ESRRG: variants seen among roughly 807,000 people sequenced by gnomAD.
The protein encoded by ESRRG is estrogen related receptor gamma.
Under a neutral mutation model 44.0 loss-of-function variants are expected in ESRRG, and 13 were observed. That is an observed-to-expected ratio of 0.30 (90% confidence interval 0.19 to 0.47). The LOEUF is 0.47. Among genes scored for constraint, ESRRG ranks in the 20% least tolerant of loss-of-function variants. The pLI, the probability that ESRRG is intolerant of heterozygous loss-of-function variation, is 1.00. For missense variants in ESRRG, 395 were observed against 580.6 expected (o/e 0.68, Z 3.29); for synonymous variants, 215 against 214.6 (o/e 1.00, Z -0.02).
chr1:216,794,842 C>T (rs570021802), intron 2 of ESRRG, among the ~76,000 whole-genome samples: 2 of 152,268 alleles, frequency 1.3e-5, no homozygotes, highest in Admixed American at 6.5e-5. Context: ...ATTGCACAAG[C>T]TATACCTTCA....
intron 1 of ESRRG, among the ~76,000 whole-genome samples, chr1:216,696,775 A>T (rs2080241824): frequency 6.6e-6 from 1 of 152,108 alleles, no homozygotes; most frequent in South Asian, 2.1e-4. Flanking sequence ...ACTGTATTAA[A>T]ATGTATAATT....
chr1:216,668,765 C>A (rs2074522900), intron 2 of ESRRG, among the ~76,000 whole-genome samples: 1 of 151,980 alleles, frequency 6.6e-6, no homozygotes, highest in Admixed American at 6.6e-5. Flanking sequence ...ATAGTGCTCA[C>A]AGATGTGTAG....
At chr1:216,759,440 A>G (rs2092649044) in intron 2 of ESRRG, among the ~76,000 whole-genome samples, 1 of 152,014 alleles carries the variant, frequency 6.6e-6, no homozygotes, top group South Asian at 2.1e-4. Context: ...TCCACCCACC[A>G]CATGGTTTTC....
At chr1:216,709,732 T>C (rs1469559977) in intron 1 of ESRRG, among the ~76,000 whole-genome samples, 1 of 152,014 alleles carries the variant, frequency 6.6e-6, no homozygotes, top group East Asian at 1.9e-4. Context: ...TACTCTCTAA[T>C]GAAATTACTG....
chr1:217,072,108 T>C (rs770958609), intron 1 of ESRRG, among the ~76,000 whole-genome samples: 5 of 152,234 alleles, frequency 3.3e-5, no homozygotes, highest in Non-Finnish European at 5.9e-5. Flanking sequence ...ATTTCCTCTC[T>C]AGTGTAGAAA....
intron 5 of ESRRG, among the ~76,000 whole-genome samples, chr1:216,548,123 A>T (rs1216540430): frequency 1.3e-5 from 2 of 152,204 alleles, no homozygotes; most frequent in African/African-American, 4.8e-5. Context: ...TCAAACTTTG[A>T]GTGGATATGG....
At position 216,506,872 on chromosome 1, in the gene ESRRG, G is replaced by T. The variant is rs773344558; in HGVS notation, c.*67C>A. The T allele has an allele frequency of 4.0e-5, 61 of 1,534,462 alleles. No homozygotes were observed. Among genetic ancestry groups the T allele is most frequent in the Admixed American group, 1.4e-4 (7 of 48,846 alleles). On this transcript the variant is annotated 3_prime_UTR_variant, in exon 7 of 7. Coordinates refer to ENST00000408911, the MANE Select transcript of ESRRG (RefSeq NM_001438.4). ...TGTTAACTAAACTCTAAGTTTCTTC[G>T]ACATCACTCTTGGGTTTATTTTCCC...
At chr1:216,653,662 C>A (rs543544997) in intron 2 of ESRRG, among the ~76,000 whole-genome samples, 1 of 152,164 alleles carries the variant, frequency 6.6e-6, no homozygotes, top group African/African-American at 2.4e-5. Context: ...ATGAAAACTT[C>A]TCTGACTATC....
At chr1:216,533,284 G>A (rs528118222) in intron 5 of ESRRG, among the ~76,000 whole-genome samples, 2 of 150,834 alleles carry the variant, frequency 1.3e-5, no homozygotes, top group African/African-American at 5.0e-5. Flanking sequence ...AAAATAAAAG[G>A]TATATATTAG....
intron 2 of ESRRG, among the ~76,000 whole-genome samples, chr1:216,923,871 C>T (rs753986424): frequency 6.6e-6 from 1 of 152,146 alleles, no homozygotes; most frequent in African/African-American, 2.4e-5. Flanking sequence ...AAGATGCTCA[C>T]GGCAGTGACT....
intron 2 of ESRRG, among the ~76,000 whole-genome samples, chr1:216,788,571 T>C (rs891801703): frequency 1.2e-4 from 19 of 152,138 alleles, no homozygotes; most frequent in African/African-American, 4.6e-4. Flanking sequence ...GACAAGGAGA[T>C]GAGTGTTGTC....
At position 216,636,267 on chromosome 1, in the gene ESRRG, G is replaced by T. The variant is rs555348102; in HGVS notation, c.589+14706C>A. ...TCAACTGTATTTAACCTGTAACTTT[G>T]TAAGATATTATACTACTTACTGAAA... On this transcript the variant is annotated intron_variant, in intron 3 of 6. Coordinates refer to ENST00000408911, the MANE Select transcript of ESRRG (RefSeq NM_001438.4). Among the ~76,000 whole-genome samples the T allele has an allele frequency of 6.6e-5, 10 of 152,228 alleles. No individual in the cohort carries two copies. In the South Asian group the frequency reaches 2.1e-3, roughly 32 times the overall value.
At chr1:216,981,804 GA>G (rs1398144887) in intron 1 of ESRRG, among the ~76,000 whole-genome samples, 1 of 152,050 alleles carries the variant, frequency 6.6e-6, no homozygotes, top group Non-Finnish European at 1.5e-5. Context: ...GAGGGTCAGA[GA>G]AAGGAGTGCT....
At chr1:216,943,949 C>T (rs751642614) in intron 1 of ESRRG, among the ~76,000 whole-genome samples, 3 of 152,078 alleles carry the variant, frequency 2.0e-5, no homozygotes, top group African/African-American at 2.4e-5. Flanking sequence ...ACTTCAGCTC[C>T]CCCCTGCCAG....
chr1:216,667,004 C>A (rs144834589), intron 2 of ESRRG, among the ~76,000 whole-genome samples: 4 of 152,112 alleles, frequency 2.6e-5, no homozygotes, highest in Admixed American at 2.6e-4. Flanking sequence ...ATGATTGAAT[C>A]GGGAACAGGT....
At chr1:217,055,505 T>C in intron 1 of ESRRG, among the ~76,000 whole-genome samples, 1 of 152,082 alleles carries the variant, frequency 6.6e-6, no homozygotes, top group East Asian at 1.9e-4. Context: ...TTATATAACA[T>C]TTCCACTTAA....
At chr1:217,042,077 C>T (rs1228694308) in intron 1 of ESRRG, among the ~76,000 whole-genome samples, 1 of 152,124 alleles carries the variant, frequency 6.6e-6, no homozygotes, top group Non-Finnish European at 1.5e-5. Flanking sequence ...GAACCCATCA[C>T]TCTAATAGGT....
chr1:216,907,884 C>A (rs1374611756), intron 2 of ESRRG, among the ~76,000 whole-genome samples: 1 of 152,172 alleles, frequency 6.6e-6, no homozygotes, highest in East Asian at 1.9e-4. Flanking sequence ...GTCCCCTGTG[C>A]AAATGTACCC....
chr1:216,826,721 A>C (rs560422488), intron 2 of ESRRG, among the ~76,000 whole-genome samples: 2 of 152,182 alleles, frequency 1.3e-5, no homozygotes, highest in Non-Finnish European at 2.9e-5. Context: ...TCTTAATTTT[A>C]GGCCATACTA....
Sources: gnomAD v4.1 joint callset for allele counts (sites outside exome capture counted in the v4.1 genomes callset) on GRCh38, gnomAD v4.1.1 for gene constraint, MANE v1.5 for transcripts, NCBI Gene and HGNC (gene_info 2026-07-23, HGNC 2026-07-21) for gene names.